The following ATG4C variants were observed in gnomAD, a reference collection of about 807,000 sequenced individuals.
ATG4C encodes the protein cysteine protease ATG4C.
Under a neutral mutation model 57.6 loss-of-function variants are expected in ATG4C, and 56 were observed. That is an observed-to-expected ratio of 0.97 (90% CI 0.78 to 1.21). ATG4C has a LOEUF of 1.21. ATG4C is among the 50% of genes most tolerant of loss of function. ATG4C has a pLI of 0.00. For missense variants in ATG4C, 595 were observed against 529.8 expected (o/e 1.12, Z -1.21); for synonymous variants, 157 against 174.1 (o/e 0.90, Z 0.78).
chr1:62,831,855 A>G (rs1360764287), intron 7 of ATG4C, among the ~76,000 whole-genome samples: 2 of 152,224 alleles, frequency 1.3e-5, no homozygotes, highest in Non-Finnish European at 2.9e-5. Context: ...TACAGATGTC[A>G]AGAACCAAAG....
At chr1:62,817,656 T>C (rs1270970261) in intron 4 of ATG4C, among the ~76,000 whole-genome samples, 1 of 152,192 alleles carries the variant, frequency 6.6e-6, no homozygotes, top group African/African-American at 2.4e-5. Flanking sequence ...ACTAGACATA[T>C]TCCTAATAAG....
intron 10 of ATG4C, among the ~76,000 whole-genome samples, chr1:62,859,839 C>T (rs1041505150): frequency 2.0e-5 from 3 of 152,046 alleles, no homozygotes; most frequent in South Asian, 4.2e-4. Context: ...GGATTACAGG[C>T]GCCCACCACC....
intron 3 of ATG4C, among the ~76,000 whole-genome samples, chr1:62,812,752 T>C (rs1665128600): frequency 6.6e-6 from 1 of 152,228 alleles, no homozygotes; most frequent in East Asian, 1.9e-4. Context: ...CTCCTTATGC[T>C]GATAAGCAAT....
chr1:62,816,053 G>A lies in ATG4C; in HGVS notation c.161-522G>A, dbSNP rs528845640. On this transcript the variant is annotated intron_variant, in intron 3 of 10. Coordinates refer to ENST00000317868, the MANE Select transcript of ATG4C (RefSeq NM_032852.4). ...ATGTGAGCCACCATGCCTGGCTAAG[G>A]TTTCTTTTAATGCAGGTTGGCTAGT... Among the ~76,000 whole-genome samples the A allele has an allele frequency of 1.6e-4, 24 of 152,246 alleles. No homozygotes were observed. In the South Asian group the frequency reaches 4.8e-3, roughly 30 times the overall value.
At chr1:62,827,155 G>C (rs1318523510) in intron 6 of ATG4C, among the ~76,000 whole-genome samples, 2 of 152,044 alleles carry the variant, frequency 1.3e-5, no homozygotes, top group African/African-American at 4.8e-5. Context: ...TGAAAAACTG[G>C]TCTTTACAAT....
intron 1 of ATG4C, among the ~76,000 whole-genome samples, chr1:62,788,737 T>C (rs1184605249): frequency 2.0e-5 from 3 of 152,200 alleles, no homozygotes; most frequent in Non-Finnish European, 4.4e-5. Context: ...TACTTATATG[T>C]CTATTTTATC....
chr1:62,798,600 T>A (rs1280280388), intron 1 of ATG4C, among the ~76,000 whole-genome samples: 1 of 152,134 alleles, frequency 6.6e-6, no homozygotes, highest in Non-Finnish European at 1.5e-5. Flanking sequence ...CAAAATAATC[T>A]CTGATTTCTC....
At chr1:62,844,805 AT>A (rs1295434655) in intron 10 of ATG4C, among the ~76,000 whole-genome samples, 1 of 151,980 alleles carries the variant, frequency 6.6e-6, no homozygotes, top group Non-Finnish European at 1.5e-5. Context: ...CATTTATTAA[AT>A]TTTTTGTTAA....
At chr1:62,789,892 G>A (rs1482488327) in intron 1 of ATG4C, among the ~76,000 whole-genome samples, 1 of 151,998 alleles carries the variant, frequency 6.6e-6, no homozygotes, top group African/African-American at 2.4e-5. Flanking sequence ...ATTGGTTCTA[G>A]ACCCTTTAAA....
At position 62,814,423 on chromosome 1, in the gene ATG4C, C is replaced by T. The variant is rs368445029; in HGVS notation, c.161-2152C>T. ...GAATACATGGAGACTGGGAGGGGAA[C>T]ATCACACACCAGGGCCTGTCAGTGG... On this transcript the variant is annotated intron_variant, in intron 3 of 10. Coordinates refer to ENST00000317868, the MANE Select transcript of ATG4C (RefSeq NM_032852.4). Among the ~76,000 whole-genome samples the T allele has an allele frequency of 7.0e-4, 107 of 152,196 alleles. 2 individuals are homozygous for T. Among genetic ancestry groups the T allele is most frequent in the African/African-American group, 2.5e-3 (105 of 41,526 alleles).
chr1:62,803,158 G>A (rs757400707), intron 1 of ATG4C, among the ~76,000 whole-genome samples: 2 of 152,040 alleles, frequency 1.3e-5, no homozygotes, highest in South Asian at 2.1e-4. Flanking sequence ...AATTTAAGCC[G>A]TTCTGTTTGT....
Position 62,805,152 on chromosome 1 carries a change from CTTTTT to C in ATG4C, c.77-10_77-6del. 7 of 1,368,238 alleles carry C rather than the reference CTTTTT, an allele frequency of 5.1e-6. No homozygotes were observed. Among genetic ancestry groups the C allele is most frequent in the South Asian group, 1.6e-5 (1 of 63,858 alleles). 84.8% of individuals were successfully genotyped at this position (1,368,238 alleles called of 1,614,324 possible). A position where few individuals can be genotyped will look rare whatever the true frequency, so the allele number is the denominator to read the frequency against. On this transcript the variant is annotated splice_polypyrimidine_tract_variant and intron_variant, in intron 2 of 10. Coordinates refer to ENST00000317868, the MANE Select transcript of ATG4C (RefSeq NM_032852.4). ...TTTTAATTACAAAACGTTTTCTTTT[CTTTTT>C]TTTTTTTTTGCTAGGTTGGGTGTTG...
At chr1:62,825,779 C>G (rs944315185) in intron 6 of ATG4C, among the ~76,000 whole-genome samples, 2 of 152,142 alleles carry the variant, frequency 1.3e-5, no homozygotes, top group African/African-American at 4.8e-5. Context: ...TCTTCCATGT[C>G]TTTATAAATG....
At chr1:62,831,813 A>G (rs1665850873) in intron 7 of ATG4C, among the ~76,000 whole-genome samples, 1 of 152,208 alleles carries the variant, frequency 6.6e-6, no homozygotes, top group African/African-American at 2.4e-5. Flanking sequence ...AGCGTTTATT[A>G]CTAAACTTGC....
intron 7 of ATG4C, among the ~76,000 whole-genome samples, chr1:62,830,772 A>G (rs944948967): frequency 1.3e-5 from 2 of 152,128 alleles, no homozygotes; most frequent in African/African-American, 2.4e-5. Context: ...ACAAATTAGG[A>G]CTTTTCTTTT....
chr1:62,828,942 G>C (rs1281260051), intron 6 of ATG4C, 98 bp from the exon 7 acceptor site: 8 of 1,038,894 alleles, frequency 7.7e-6, no homozygotes, highest in African/African-American at 6.5e-5. Context: ...TGAGATAGCT[G>C]GCTGTCCATT....
intron 9 of ATG4C, among the ~76,000 whole-genome samples, chr1:62,838,970 A>G (rs913797192): frequency 2.6e-5 from 4 of 152,190 alleles, no homozygotes; most frequent in Admixed American, 1.3e-4. Flanking sequence ...GTTATTATCT[A>G]TGATGGTTGT....
intron 10 of ATG4C, among the ~76,000 whole-genome samples, chr1:62,852,606 T>G (rs1666551367): frequency 6.6e-6 from 1 of 152,228 alleles, no homozygotes; most frequent in Admixed American, 6.5e-5. Flanking sequence ...TTAGTCACTA[T>G]TCAGTGTTCA....
At chr1:62,846,121 A>G (rs997845789) in intron 10 of ATG4C, among the ~76,000 whole-genome samples, 4 of 152,306 alleles carry the variant, frequency 2.6e-5, no homozygotes, top group African/African-American at 7.2e-5. Context: ...TTTCATCCCT[A>G]TGACTCCACC....
Sources: gnomAD v4.1 joint callset for allele counts (sites outside exome capture counted in the v4.1 genomes callset) on GRCh38, gnomAD v4.1.1 for gene constraint, MANE v1.5 for transcripts, NCBI Gene and HGNC (gene_info 2026-07-23, HGNC 2026-07-21) for gene names.